Variants in CRYBG3 observed in about 807,000 individuals in gnomAD.
CRYBG3 encodes very large A-kinase anchor protein.
Under a neutral mutation model 244.2 loss-of-function variants are expected in CRYBG3, and 127 were observed. The ratio of observed to expected loss-of-function variants is 0.52; its 90% CI spans 0.45 to 0.60. The LOEUF is 0.60. Ranked by LOEUF, CRYBG3 falls within the 20% of genes least tolerant of loss-of-function variation. The probability of loss-of-function intolerance (pLI) is 0.00; values close to 1 mark genes in which losing one functional copy is unlikely to be tolerated. For missense variants in CRYBG3, 3,325 were observed against 3,442.5 expected (o/e 0.97, Z 0.85); for synonymous variants, 1,132 against 1,195.8 (o/e 0.95, Z 1.10).
chr3:97,835,860 T>G (rs1200456264), intron 1 of CRYBG3, among the ~76,000 whole-genome samples: 1 of 152,146 alleles, frequency 6.6e-6, no homozygotes, highest in African/African-American at 2.4e-5. Context: ...AATACTGTTG[T>G]GAGTTCACAT....
chr3:97,843,292 C>A (rs927408589), intron 2 of CRYBG3, 31 bp downstream of exon 2: 6 of 1,015,064 alleles, frequency 5.9e-6, no homozygotes, highest in South Asian at 1.6e-5. Flanking sequence ...TATTTTATAT[C>A]AAGCAAATAT....
chr3:97,841,342 A>G (rs9865024), intron 1 of CRYBG3, among the ~76,000 whole-genome samples: 69,018 of 150,246 alleles, frequency 0.46, 16,634 homozygotes, highest in East Asian at 0.67. Context: ...GTATATATGC[A>G]TATATATATG....
chr3:97,905,695 G>T (rs1317871486), intron 15 of CRYBG3, among the ~76,000 whole-genome samples: 9 of 141,852 alleles, frequency 6.3e-5, no homozygotes, highest in Non-Finnish European at 1.2e-4. Flanking sequence ...TTTGTAGGTT[G>T]CCTGTTCACT....
At chr3:97,889,874 G>A (rs1276052559) in intron 10 of CRYBG3, among the ~76,000 whole-genome samples, 2 of 152,150 alleles carry the variant, frequency 1.3e-5, no homozygotes, top group Non-Finnish European at 2.9e-5. Flanking sequence ...ATGGGTAGCA[G>A]TGGTGCCAGG....
At chr3:97,861,985 A>G (rs951633815) in intron 2 of CRYBG3, among the ~76,000 whole-genome samples, 2 of 152,160 alleles carry the variant, frequency 1.3e-5, no homozygotes, top group African/African-American at 4.8e-5. Context: ...TGAGGGAAAA[A>G]TTAAGCAACT....
At chr3:97,906,218 C>G (rs1096622) in intron 15 of CRYBG3, among the ~76,000 whole-genome samples, 85,479 of 125,840 alleles carry the variant, frequency 0.68, 31,406 homozygotes, top group East Asian at 0.83. Flanking sequence ...GGATTGACTT[C>G]GCAATGCGGG....
intron 1 of CRYBG3, among the ~76,000 whole-genome samples, chr3:97,842,200 A>G (rs188574657): frequency 3.3e-5 from 5 of 152,156 alleles, no homozygotes; most frequent in African/African-American, 1.2e-4. Context: ...CTTTAGAGTG[A>G]AGCTACTTAA....
At chr3:97,871,718 T>A (rs997401650) in intron 3 of CRYBG3, 124 bp from the exon 4 acceptor site, 1 of 595,454 alleles carries the variant, frequency 1.7e-6, no homozygotes, top group Non-Finnish European at 2.7e-6. Flanking sequence ...TAGGATTTAC[T>A]CCCCAAATTG....
At chr3:97,835,222 C>T (rs576001907) in intron 1 of CRYBG3, among the ~76,000 whole-genome samples, 10 of 152,128 alleles carry the variant, frequency 6.6e-5, no homozygotes, top group South Asian at 6.2e-4. Context: ...AAATGTGTCT[C>T]TACTTACATA....
intron 2 of CRYBG3, among the ~76,000 whole-genome samples, chr3:97,845,944 C>G (rs1285650652): frequency 6.6e-6 from 1 of 152,144 alleles, no homozygotes. Context: ...AAGCATTGTT[C>G]AGTTCTTAAT....
At chr3:97,857,381 A>G (rs1189177905) in intron 2 of CRYBG3, among the ~76,000 whole-genome samples, 1 of 151,102 alleles carries the variant, frequency 6.6e-6, no homozygotes, top group African/African-American at 2.4e-5. Context: ...AATGTTTGTT[A>G]GGTCTATAGT....
At chr3:97,894,809 T>C (rs1260557420) in intron 11 of CRYBG3, among the ~76,000 whole-genome samples, 1 of 152,134 alleles carries the variant, frequency 6.6e-6, no homozygotes, top group Non-Finnish European at 1.5e-5. Flanking sequence ...CATATAATTG[T>C]TTAAGAATAA....
rs1559737155 is a variant in CRYBG3, at chr3:97,898,866, C to T, written c.7702-17C>T. 3 of 1,556,104 alleles carry T rather than the reference C, an allele frequency of 1.9e-6. No individual in the cohort carries two copies. The highest frequency in any genetic ancestry group is 2.6e-6 in the Non-Finnish European group (3 of 1,146,524). On this transcript the variant is annotated splice_polypyrimidine_tract_variant and intron_variant, in intron 12 of 21. Coordinates refer to ENST00000389622, the MANE Select transcript of CRYBG3 (RefSeq NM_153605.4). ...GAATATGTATGTTTTCCTAAACTTTCCTCTTTCTCCTTTTAGAATTTTATA... is the reference window on the plus strand; with the variant it reads ...GAATATGTATGTTTTCCTAAACTTTTCTCTTTCTCCTTTTAGAATTTTATA...
chr3:97,852,535 C>A (rs1048664297), intron 2 of CRYBG3, among the ~76,000 whole-genome samples: 2 of 152,052 alleles, frequency 1.3e-5, no homozygotes, highest in Non-Finnish European at 2.9e-5. Context: ...TCCTTTGTAA[C>A]GAGGTTAGTA....
chr3:97,839,067 T>C (rs78530589), intron 1 of CRYBG3, among the ~76,000 whole-genome samples: 2,330 of 152,266 alleles, frequency 0.015, 49 homozygotes, highest in African/African-American at 0.053. Context: ...GTGGTTTTAT[T>C]TGTGCGTACA....
chr3:97,909,036 G>C (rs572826004), intron 15 of CRYBG3, among the ~76,000 whole-genome samples: 1 of 152,028 alleles, frequency 6.6e-6, no homozygotes, highest in Non-Finnish European at 1.5e-5. Flanking sequence ...TGAAATTCTG[G>C]GTTGAAAATT....
chr3:97,934,124 T>C lies in CRYBG3; in HGVS notation c.8381+291T>C, dbSNP rs543332178. Among the ~76,000 whole-genome samples the C allele has an allele frequency of 2.7e-5, 4 of 150,620 alleles. No individual in the cohort carries two copies. In the South Asian group the frequency reaches 8.3e-4, roughly 31 times the overall value. ...ACTGCTGGCAAGACCAAGTTCGATG[T>C]TGTTTTTTGATTTAATAGCCATGTA... On this transcript the variant is annotated intron_variant, in intron 18 of 21. Coordinates refer to ENST00000389622, the MANE Select transcript of CRYBG3 (RefSeq NM_153605.4).
intron 17 of CRYBG3, among the ~76,000 whole-genome samples, chr3:97,932,627 G>A (rs911667182): frequency 1.3e-5 from 2 of 152,054 alleles, no homozygotes; most frequent in African/African-American, 4.8e-5. Flanking sequence ...CCCACTCATA[G>A]TCCTTAGTTC....
chr3:97,870,527 C>G (rs949485977), intron 3 of CRYBG3, among the ~76,000 whole-genome samples: 2 of 152,082 alleles, frequency 1.3e-5, no homozygotes, highest in African/African-American at 4.8e-5. Flanking sequence ...TTTTCTTTAT[C>G]CAATCTACCA....
Sources: gnomAD v4.1 joint callset for allele counts (sites outside exome capture counted in the v4.1 genomes callset) on GRCh38, gnomAD v4.1.1 for gene constraint, MANE v1.5 for transcripts, NCBI Gene and HGNC (gene_info 2026-07-23, HGNC 2026-07-21) for gene names.